Variants in SCMH1 observed in about 807,000 individuals in gnomAD.
SCMH1 encodes the protein Scm polycomb group protein homolog 1, also known as polycomb protein SCMH1.
A neutral mutation model predicts 70.8 loss-of-function variants in SCMH1; 37 were observed. The ratio of observed to expected loss-of-function variants is 0.52; its 90% CI spans 0.40 to 0.69. SCMH1 has a LOEUF of 0.69. Among genes scored for constraint, SCMH1 ranks in the 30% least tolerant of loss-of-function variants. The probability of loss-of-function intolerance (pLI) is 0.00; values close to 1 mark genes in which losing one functional copy is unlikely to be tolerated. For synonymous variants in SCMH1, 292 were observed against 307.4 expected (o/e 0.95, Z 0.52); for missense variants, 607 against 827.3 (o/e 0.73, Z 3.27).
chr1:41,203,580 C>T (rs1222218174), intron 1 of SCMH1, among the ~76,000 whole-genome samples: 1 of 152,202 alleles, frequency 6.6e-6, no homozygotes, highest in African/African-American at 2.4e-5. Context: ...AAAATCTCTG[C>T]AGCACTGTGA....
At chr1:41,047,183 G>A (rs563248145) in intron 11 of SCMH1, among the ~76,000 whole-genome samples, 2 of 152,156 alleles carry the variant, frequency 1.3e-5, no homozygotes, top group Non-Finnish European at 2.9e-5. Flanking sequence ...GGGCAGCAAG[G>A]ACATGGGGAT....
At chr1:41,073,618 TCATC>T (rs3831833) in intron 9 of SCMH1, among the ~76,000 whole-genome samples, 3,733 of 148,716 alleles carry the variant, frequency 0.025, 150 homozygotes, top group African/African-American at 0.086. Flanking sequence ...ATCACTAAAA[TCATC>T]CATCCATCCA....
exon 10 of SCMH1, chr1:41,070,698 G>A: frequency 1.2e-6 from 2 of 1,614,026 alleles, no homozygotes; most frequent in African/African-American, 1.3e-5. Context: ...CAGGTGGTGG[G>A]TTCAGCAAAG....
At chr1:41,062,612 G>C (rs770848974) in intron 10 of SCMH1, among the ~76,000 whole-genome samples, 1 of 151,970 alleles carries the variant, frequency 6.6e-6, no homozygotes, top group Non-Finnish European at 1.5e-5. Context: ...GGTGGCGCAT[G>C]CCTGTAATCC....
At chr1:41,104,959 C>G (rs976453631) in intron 8 of SCMH1, among the ~76,000 whole-genome samples, 5 of 149,474 alleles carry the variant, frequency 3.3e-5, no homozygotes, top group African/African-American at 1.2e-4. Flanking sequence ...ATTAAACAGC[C>G]TTTTTTTTTT....
intron 7 of SCMH1, among the ~76,000 whole-genome samples, chr1:41,115,421 T>G (rs1483153845): frequency 1.3e-5 from 2 of 152,220 alleles, no homozygotes; most frequent in Non-Finnish European, 2.9e-5. Flanking sequence ...AATTAGATAG[T>G]GACCTCTTTA....
chr1:41,143,534 T>C (rs1372557404), intron 5 of SCMH1, among the ~76,000 whole-genome samples: 7 of 152,176 alleles, frequency 4.6e-5, no homozygotes, highest in Admixed American at 1.3e-4. Context: ...ACACAGACTA[T>C]TGAGGGTTAA....
At chr1:41,170,442 T>C (rs573799087) in intron 2 of SCMH1, among the ~76,000 whole-genome samples, 1 of 152,294 alleles carries the variant, frequency 6.6e-6, no homozygotes, top group African/African-American at 2.4e-5. Flanking sequence ...TCAACTAGTC[T>C]CTGACTTTCT....
chr1:41,210,992 T>C (rs531666657), intron 1 of SCMH1, among the ~76,000 whole-genome samples: 51 of 152,190 alleles, frequency 3.4e-4, no homozygotes, highest in Non-Finnish European at 5.7e-4. Flanking sequence ...GTATTTTTCA[T>C]AGAGACAAGC....
chr1:41,197,645 T>C (rs1000513778), intron 1 of SCMH1, among the ~76,000 whole-genome samples: 1 of 152,122 alleles, frequency 6.6e-6, no homozygotes, highest in African/African-American at 2.4e-5. Flanking sequence ...ATAAATGTAC[T>C]TAATGTCTTA....
intron 6 of SCMH1, among the ~76,000 whole-genome samples, chr1:41,117,968 C>A (rs1670963030): frequency 6.6e-6 from 1 of 152,056 alleles, no homozygotes; most frequent in African/African-American, 2.4e-5. Context: ...CCCCCTGGGC[C>A]CAGCTGTCTT....
intron 4 of SCMH1, among the ~76,000 whole-genome samples, chr1:41,157,303 C>A (rs1645637962): frequency 1.3e-5 from 2 of 152,084 alleles, no homozygotes; most frequent in South Asian, 2.1e-4. Flanking sequence ...ATTTGCAATT[C>A]TTTGATTACT....
At chr1:41,184,689 G>A (rs535437934) in intron 2 of SCMH1, among the ~76,000 whole-genome samples, 33 of 152,086 alleles carry the variant, frequency 2.2e-4, no homozygotes, top group Non-Finnish European at 3.4e-4. Flanking sequence ...GAATTGTCCT[G>A]TGGAGGATTG....
intron 1 of SCMH1, among the ~76,000 whole-genome samples, chr1:41,210,756 T>C (rs1277420743): frequency 6.6e-6 from 1 of 151,670 alleles, no homozygotes; most frequent in Non-Finnish European, 1.5e-5. Flanking sequence ...ATAAAAACCC[T>C]AGAAGAAAAC....
intron 6 of SCMH1, among the ~76,000 whole-genome samples, chr1:41,142,659 TAGAA>T (rs1195190814): frequency 6.6e-6 from 1 of 152,162 alleles, no homozygotes; most frequent in African/African-American, 2.4e-5. Context: ...GATTTCTTGT[TAGAA>T]AGAATTTGGA....
At chr1:41,091,289 T>C (rs957187063) in intron 8 of SCMH1, among the ~76,000 whole-genome samples, 10 of 152,246 alleles carry the variant, frequency 6.6e-5, no homozygotes, top group Non-Finnish European at 1.5e-4. Context: ...AAAAACCACA[T>C]GATTATCTCA....
At chr1:41,091,582 AG>A (rs1663528161) in intron 8 of SCMH1, among the ~76,000 whole-genome samples, 1 of 152,210 alleles carries the variant, frequency 6.6e-6, no homozygotes, top group Admixed American at 6.5e-5. Flanking sequence ...TTAGGAAAAG[AG>A]GAAGTCAAAT....
intron 10 of SCMH1, among the ~76,000 whole-genome samples, chr1:41,051,371 G>GTA (rs1208735792): frequency 1.3e-5 from 2 of 152,172 alleles, no homozygotes; most frequent in Admixed American, 1.3e-4. Flanking sequence ...TGTGTATTTA[G>GTA]TATACTTCTT....
chr1:41,085,993 G>A (rs1250535845), intron 8 of SCMH1, among the ~76,000 whole-genome samples: 16 of 151,330 alleles, frequency 1.1e-4, no homozygotes, highest in African/African-American at 3.6e-4. Flanking sequence ...GGTACCCACC[G>A]CCACGCCCAG....
Sources: gnomAD v4.1 joint callset for allele counts (sites outside exome capture counted in the v4.1 genomes callset) on GRCh38, gnomAD v4.1.1 for gene constraint, MANE v1.5 for transcripts, NCBI Gene and HGNC (gene_info 2026-07-23, HGNC 2026-07-21) for gene names.